The following MCTP2 variants were observed in gnomAD, a reference collection of about 807,000 sequenced individuals.
The protein encoded by MCTP2 is multiple C2 and transmembrane domain containing 2, also known as multiple C2 and transmembrane domain-containing protein 2.
A neutral mutation model predicts 111.6 loss-of-function variants in MCTP2; 132 were observed. That is an observed-to-expected ratio of 1.18 (90% CI 1.03 to 1.37). The LOEUF (loss-of-function observed/expected upper bound fraction) is 1.37. MCTP2 is among the 40% of genes most tolerant of loss of function. The pLI is 0.00. For missense variants in MCTP2, 1,183 were observed against 1,067.9 expected, an observed-to-expected ratio of 1.11 and a Z score of -1.50; for synonymous variants, 395 against 387.7, an observed-to-expected ratio of 1.02 and a Z score of -0.22.
intron 12 of MCTP2, among the ~76,000 whole-genome samples, chr15:94,382,612 T>C (rs188856348): frequency 7.4e-4 from 112 of 152,374 alleles, no homozygotes; most frequent in Non-Finnish European, 1.4e-3. Flanking sequence ...AGTATCTCTA[T>C]TGATGTGCTG....
At chr15:94,467,017 G>A (rs893172453) in intron 20 of MCTP2, among the ~76,000 whole-genome samples, 1 of 152,018 alleles carries the variant, frequency 6.6e-6, no homozygotes, top group African/African-American at 2.4e-5. Context: ...AGAAAAATGA[G>A]GGTAGCTAAC....
At chr15:94,383,743 T>C (rs2080290177) in intron 12 of MCTP2, among the ~76,000 whole-genome samples, 1 of 152,168 alleles carries the variant, frequency 6.6e-6, no homozygotes, top group Non-Finnish European at 1.5e-5. Flanking sequence ...CACATGGGAA[T>C]TATGGGAGCT....
chr15:94,390,670 TAAC>T (rs955854956), intron 14 of MCTP2, among the ~76,000 whole-genome samples: 1 of 151,096 alleles, frequency 6.6e-6, no homozygotes, highest in African/African-American at 2.4e-5. Context: ...TATTTCCTAA[TAAC>T]AAATAAGAAG....
intron 12 of MCTP2, 152 bp downstream of exon 12, chr15:94,370,332 G>T: frequency 1.9e-6 from 1 of 537,444 alleles, no homozygotes; most frequent in East Asian, 3.2e-5. Flanking sequence ...GCAGACTTGA[G>T]CAATTTCTTT....
chr15:94,327,654 G>A (rs2076941505), intron 4 of MCTP2, among the ~76,000 whole-genome samples: 1 of 152,230 alleles, frequency 6.6e-6, no homozygotes, highest in Non-Finnish European at 1.5e-5. Flanking sequence ...CTGTAACACA[G>A]GAGTGGTTTT....
chr15:94,289,745 A>G (rs1354888779), intron 1 of MCTP2, among the ~76,000 whole-genome samples: 3 of 152,212 alleles, frequency 2.0e-5, no homozygotes, highest in Non-Finnish European at 2.9e-5. Flanking sequence ...ATACGCTGGT[A>G]TGGTAGACAG....
At chr15:94,390,054 A>G (rs1014518131) in intron 14 of MCTP2, among the ~76,000 whole-genome samples, 1 of 7,052 alleles carries the variant, frequency 1.4e-4, no homozygotes, top group Non-Finnish European at 7.2e-4. Flanking sequence ...CAAGGCATAT[A>G]TATATATATA....
chr15:94,358,683 A>G (rs923702929), intron 10 of MCTP2, 71 bp downstream of exon 10: 2 of 1,566,168 alleles, frequency 1.3e-6, no homozygotes, highest in Admixed American at 3.6e-5. Context: ...GGTGATCTTT[A>G]TCTGTTAGGG....
chr15:94,301,859 G>A (rs1287263776), intron 2 of MCTP2, among the ~76,000 whole-genome samples: 3 of 149,946 alleles, frequency 2.0e-5, no homozygotes, highest in African/African-American at 7.4e-5. Flanking sequence ...TAAACAAAGG[G>A]AATTCCTGCA....
At chr15:94,243,955 ATATT>A (rs1386343463) in intron 1 of MCTP2, among the ~76,000 whole-genome samples, 7 of 147,168 alleles carry the variant, frequency 4.8e-5, no homozygotes, top group Admixed American at 1.3e-4. Context: ...ATATGTGTAT[ATATT>A]TACACACACA....
intron 1 of MCTP2, among the ~76,000 whole-genome samples, chr15:94,238,753 C>G (rs2070734652): frequency 6.6e-6 from 1 of 152,026 alleles, no homozygotes; most frequent in South Asian, 2.1e-4. Flanking sequence ...CCACCTAGGC[C>G]TGGCAGGAAG....
chr15:94,436,281 T>A lies in MCTP2; in HGVS notation c.2086-3895T>A, dbSNP rs184745741. The stretch of plus-strand genomic sequence containing the variant: ...CTTGGATCAAAGATACAAACATTTT[T>A]AATTAACTCCATGCAGATCTGATTC... On this transcript the variant is annotated intron_variant, in intron 17 of 22. Coordinates refer to ENST00000357742, the MANE Select transcript of MCTP2 (RefSeq NM_001385001.1). Among the ~76,000 whole-genome samples the A allele has an allele frequency of 2.3e-3, 358 of 152,344 alleles. 3 individuals carry two copies. The highest frequency in any genetic ancestry group is 0.021 in the Admixed American group (324 of 15,306).
At chr15:94,244,561 T>A (rs1435179280) in intron 1 of MCTP2, among the ~76,000 whole-genome samples, 2 of 147,436 alleles carry the variant, frequency 1.4e-5, no homozygotes, top group Non-Finnish European at 3.0e-5. Flanking sequence ...CACCTATGTT[T>A]ATATACGTAT....
chr15:94,428,677 A>G (rs775111489), intron 17 of MCTP2, among the ~76,000 whole-genome samples: 27 of 152,056 alleles, frequency 1.8e-4, no homozygotes, highest in African/African-American at 5.8e-4. Flanking sequence ...CCTCACTTGT[A>G]TATCTATAAC....
chr15:94,393,959 A>G (rs556955491), intron 14 of MCTP2, among the ~76,000 whole-genome samples: 3 of 151,058 alleles, frequency 2.0e-5, no homozygotes, highest in South Asian at 2.1e-4. Context: ...CTGAGGCAGG[A>G]CAATCACTTG....
chr15:94,384,549 G>T (rs1433593029), intron 13 of MCTP2, among the ~76,000 whole-genome samples: 2 of 152,094 alleles, frequency 1.3e-5, no homozygotes, highest in East Asian at 3.8e-4. Context: ...CAGTTTATCT[G>T]AGCGACCCAT....
At chr15:94,282,610 A>T (rs2074543421) in intron 1 of MCTP2, among the ~76,000 whole-genome samples, 1 of 152,236 alleles carries the variant, frequency 6.6e-6, no homozygotes, top group Middle Eastern at 3.4e-3. Flanking sequence ...GTCAGAAGAT[A>T]CTCTGGCTTT....
intron 8 of MCTP2, among the ~76,000 whole-genome samples, chr15:94,345,966 G>T (rs1391585558): frequency 6.6e-6 from 1 of 152,010 alleles, no homozygotes; most frequent in African/African-American, 2.4e-5. Context: ...AGATGATCTC[G>T]GTGAATGCCT....
intron 17 of MCTP2, among the ~76,000 whole-genome samples, chr15:94,427,535 C>CTCATGAGAACTCACTCACTA (rs1320679709): frequency 1.3e-5 from 2 of 152,122 alleles, no homozygotes; most frequent in Non-Finnish European, 2.9e-5. Context: ...ACAACCAGAT[C>CTCATGAGAACTCACTCACTA]TCATGAGAAC....
Sources: gnomAD v4.1 joint callset for allele counts (sites outside exome capture counted in the v4.1 genomes callset) on GRCh38, gnomAD v4.1.1 for gene constraint, MANE v1.5 for transcripts, NCBI Gene and HGNC (gene_info 2026-07-23, HGNC 2026-07-21) for gene names.